MAP4K4: variants seen among roughly 807,000 people sequenced by gnomAD.
MAP4K4 encodes mitogen-activated protein kinase kinase kinase kinase 4.
MAP4K4 carries 38 observed loss-of-function variants against 189.6 expected under a neutral mutation model. That is an observed-to-expected ratio of 0.20 (90% CI 0.15 to 0.26). MAP4K4 has a LOEUF of 0.26. MAP4K4 is among the 10% of genes least tolerant of loss of function. MAP4K4 has a pLI of 1.00. For synonymous variants in MAP4K4, 610 were observed against 624.3 expected, an observed-to-expected ratio of 0.98 and a Z score of 0.34; for missense variants, 1,054 against 1,726.9, an observed-to-expected ratio of 0.61 and a Z score of 6.91.
chr2:101,750,814 AGACCCTGTCT>A (rs2068507652), intron 2 of MAP4K4, among the ~76,000 whole-genome samples: 1 of 150,826 alleles, frequency 6.6e-6, no homozygotes. Context: ...TGACAGAGTA[AGACCCTGTCT>A]AAAAAAAAAA....
chr2:101,774,384 T>G (rs1286429916), intron 2 of MAP4K4, among the ~76,000 whole-genome samples: 3 of 152,206 alleles, frequency 2.0e-5, no homozygotes, highest in Admixed American at 6.5e-5. Flanking sequence ...GTTGAAGTCT[T>G]TTGCCCATTT....
intron 23 of MAP4K4, 171 bp downstream of exon 23, chr2:101,870,586 T>A: frequency 3.8e-6 from 3 of 792,694 alleles, no homozygotes; most frequent in Non-Finnish European, 5.8e-6. Flanking sequence ...GTGTACTGCA[T>A]GCCCAGAAGG....
intron 2 of MAP4K4, among the ~76,000 whole-genome samples, chr2:101,741,372 G>A (rs1014330006): frequency 2.0e-5 from 3 of 151,946 alleles, no homozygotes; most frequent in Non-Finnish European, 2.9e-5. Context: ...GTTTCACCGT[G>A]TTAGCCAGGA....
At chr2:101,718,477 G>A (rs900609942) in intron 2 of MAP4K4, among the ~76,000 whole-genome samples, 3 of 151,062 alleles carry the variant, frequency 2.0e-5, no homozygotes, top group African/African-American at 7.3e-5. Flanking sequence ...TGTTTCCCAG[G>A]GTTTCGACAG....
chr2:101,835,312 C>A (rs2096717572), intron 8 of MAP4K4, among the ~76,000 whole-genome samples: 1 of 152,172 alleles, frequency 6.6e-6, no homozygotes, highest in African/African-American at 2.4e-5. Context: ...TAAAGAAACA[C>A]ATGAAAATGC....
chr2:101,774,519 C>T lies in MAP4K4; in HGVS notation c.124-16201C>T, dbSNP rs1002198243. Among the ~76,000 whole-genome samples, 12 of 152,240 alleles carry T rather than the reference C, an allele frequency of 7.9e-5. No individual in the cohort carries two copies. The South Asian group carries it at 1.9e-3, about 24-fold the overall frequency. ...TCTCTCATTCTGTGGGTTGTCTCTT[C>T]ACTTTGTTGATTGTTACATTAGCAG... On this transcript the variant is annotated intron_variant, in intron 2 of 32. Coordinates refer to ENST00000324219, the Ensembl canonical transcript of MAP4K4.
chr2:101,702,582 A>G (rs1366805461), intron 2 of MAP4K4, among the ~76,000 whole-genome samples: 1 of 152,178 alleles, frequency 6.6e-6, no homozygotes, highest in African/African-American at 2.4e-5. Flanking sequence ...AAAAAAGAAA[A>G]GAAAAGAAGA....
chr2:101,877,115 T>G (rs1577252384), exon 27 of MAP4K4: 2 of 1,613,860 alleles, frequency 1.2e-6, no homozygotes, highest in African/African-American at 2.7e-5. Flanking sequence ...TGGACGTACT[T>G]GAGGGCTTGA....
At chr2:101,830,372 G>A (rs2096560259) in intron 6 of MAP4K4, among the ~76,000 whole-genome samples, 2 of 152,056 alleles carry the variant, frequency 1.3e-5, no homozygotes. Context: ...ACTCACAAGG[G>A]TTCTTTTATA....
chr2:101,724,116 A>C (rs2053859458), intron 2 of MAP4K4, among the ~76,000 whole-genome samples: 1 of 152,112 alleles, frequency 6.6e-6, no homozygotes, highest in Non-Finnish European at 1.5e-5. Context: ...CATGATACTT[A>C]TGGATGTGCT....
intron 2 of MAP4K4, among the ~76,000 whole-genome samples, chr2:101,719,747 C>T (rs2050593716): frequency 6.6e-6 from 1 of 151,982 alleles, no homozygotes; most frequent in Non-Finnish European, 1.5e-5. Context: ...CGTGGTGGCT[C>T]ACGCCTGTAA....
At chr2:101,887,347 G>A in intron 30 of MAP4K4, 110 bp downstream of exon 30, 1 of 1,097,194 alleles carries the variant, frequency 9.1e-7, no homozygotes, top group Non-Finnish European at 1.3e-6. Flanking sequence ...TTTCCCCTTG[G>A]TGTGGGGGTG....
At chr2:101,849,896 TA>T (rs1210072720) in intron 12 of MAP4K4, among the ~76,000 whole-genome samples, 1 of 151,898 alleles carries the variant, frequency 6.6e-6, no homozygotes, top group African/African-American at 2.4e-5. Flanking sequence ...TAAAAGAAAA[TA>T]AAAATATTAA....
chr2:101,708,766 G>T (rs1253887325), intron 2 of MAP4K4, among the ~76,000 whole-genome samples: 1 of 152,186 alleles, frequency 6.6e-6, no homozygotes, highest in East Asian at 1.9e-4. Flanking sequence ...GTGATTTACA[G>T]TTAATCCCTG....
At chr2:101,824,085 A>G in intron 4 of MAP4K4, 32 bp downstream of exon 4, 23 of 1,016,268 alleles carry the variant, frequency 2.3e-5, no homozygotes, top group Non-Finnish European at 2.7e-5. Context: ...ATTTGTGGGC[A>G]TTCCATTTGC....
chr2:101,812,765 G>A (rs1425262537), intron 3 of MAP4K4, among the ~76,000 whole-genome samples: 2 of 152,186 alleles, frequency 1.3e-5, no homozygotes, highest in Non-Finnish European at 2.9e-5. Flanking sequence ...AGTAAAAGAG[G>A]TTAAGTGCGA....
chr2:101,743,612 G>A (rs2063811410), intron 2 of MAP4K4, among the ~76,000 whole-genome samples: 1 of 151,854 alleles, frequency 6.6e-6, no homozygotes. Flanking sequence ...TTTACTAGGG[G>A]GAAAATACCT....
At chr2:101,859,805 C>G in exon 15 of MAP4K4, 1 of 1,611,016 alleles carries the variant, frequency 6.2e-7, no homozygotes, top group Non-Finnish European at 8.5e-7. Flanking sequence ...AAGGAGCAAG[C>G]CAAGCTTCCA....
At chr2:101,755,660 C>T (rs904468304) in intron 2 of MAP4K4, among the ~76,000 whole-genome samples, 1 of 152,232 alleles carries the variant, frequency 6.6e-6, no homozygotes, top group East Asian at 1.9e-4. Context: ...TTAATCCGCT[C>T]TCCCTCTGTT....
Sources: allele counts gnomAD v4.1 joint callset (sites outside exome capture counted in the v4.1 genomes callset), GRCh38; gene constraint gnomAD v4.1.1; transcripts MANE v1.5; gene names NCBI Gene and HGNC (gene_info 2026-07-23, HGNC 2026-07-21).